The following PTAR1 variants were observed in gnomAD, a reference collection of about 807,000 sequenced individuals.
The protein encoded by PTAR1 is protein prenyltransferase alpha subunit repeat-containing protein 1.
PTAR1 carries 17 observed loss-of-function variants against 45.5 expected under a neutral mutation model. The observed-to-expected ratio is 0.37, with a 90% CI of 0.26 to 0.56. PTAR1 has a LOEUF of 0.56. Ranked by LOEUF, PTAR1 falls within the 20% of genes least tolerant of loss-of-function variation. PTAR1 has a pLI of 0.77. For synonymous variants in PTAR1, 169 were observed against 171.3 expected, an observed-to-expected ratio of 0.99 and a Z score of 0.11; for missense variants, 391 against 476.3, an observed-to-expected ratio of 0.82 and a Z score of 1.67.
At chr9:69,733,035 A>AT (rs1459608252) in intron 4 of PTAR1, among the ~76,000 whole-genome samples, 1 of 152,188 alleles carries the variant, frequency 6.6e-6, no homozygotes, top group Non-Finnish European at 1.5e-5. Context: ...ATATAAAAGC[A>AT]TTTTTTAGAC....
chr9:69,721,321 C>T (rs759456645), intron 6 of PTAR1, among the ~76,000 whole-genome samples: 4 of 151,922 alleles, frequency 2.6e-5, no homozygotes, highest in South Asian at 2.1e-4. Context: ...GGAAGTGGGG[C>T]GTGAAGATGT....
At chr9:69,749,650 T>C (rs1352547967) in intron 2 of PTAR1, among the ~76,000 whole-genome samples, 1 of 152,050 alleles carries the variant, frequency 6.6e-6, no homozygotes, top group Non-Finnish European at 1.5e-5. Flanking sequence ...TCAGAGTCCC[T>C]TTCTATGGTA....
At chr9:69,751,035 C>T in intron 1 of PTAR1, 85 bp from the exon 2 acceptor site, 1 of 938,388 alleles carries the variant, frequency 1.1e-6, no homozygotes. Context: ...ATTTTAAAAA[C>T]CCCACATATT....
At chr9:69,751,592 A>G (rs1044778977) in intron 1 of PTAR1, among the ~76,000 whole-genome samples, 1 of 152,114 alleles carries the variant, frequency 6.6e-6, no homozygotes, top group South Asian at 2.1e-4. Flanking sequence ...TTTTATTTTT[A>G]TACAGTTTCA....
chr9:69,739,501 T>C (rs1021000080), intron 3 of PTAR1, among the ~76,000 whole-genome samples: 8 of 152,262 alleles, frequency 5.3e-5, no homozygotes, highest in Middle Eastern at 3.4e-3. Context: ...AACTTATTTT[T>C]GCCTCTATTT....
At chr9:69,731,560 T>C (rs1223400714) in intron 5 of PTAR1, among the ~76,000 whole-genome samples, 5 of 151,844 alleles carry the variant, frequency 3.3e-5, no homozygotes, top group Admixed American at 6.6e-5. Flanking sequence ...GCTGTGAGAG[T>C]TTCCAAACTG....
intron 1 of PTAR1, among the ~76,000 whole-genome samples, chr9:69,755,996 T>C (rs76872212): frequency 0.011 from 1,639 of 152,272 alleles, 14 homozygotes; most frequent in Non-Finnish European, 0.018. Flanking sequence ...ACTCAGTTAA[T>C]AAACGACAAG....
chr9:69,727,577 T>C (rs1825346724), intron 5 of PTAR1, among the ~76,000 whole-genome samples: 1 of 152,132 alleles, frequency 6.6e-6, no homozygotes, highest in African/African-American at 2.4e-5. Flanking sequence ...GCATCACAAA[T>C]TGAACAGGGA....
chr9:69,723,183 C>T (rs139163114), intron 6 of PTAR1, 143 bp downstream of exon 6: 2 of 683,454 alleles, frequency 2.9e-6, no homozygotes, highest in Admixed American at 5.1e-5. Flanking sequence ...AACACAAAAC[C>T]TCTTGTATTC....
intron 2 of PTAR1, among the ~76,000 whole-genome samples, chr9:69,742,186 T>A (rs931589627): frequency 6.6e-6 from 1 of 152,168 alleles, no homozygotes; most frequent in South Asian, 2.1e-4. Flanking sequence ...AAAATTTCTA[T>A]GCCACTATTC....
intron 3 of PTAR1, among the ~76,000 whole-genome samples, chr9:69,735,397 T>C (rs755167633): frequency 3.3e-5 from 5 of 152,232 alleles, no homozygotes; most frequent in Non-Finnish European, 7.3e-5. Flanking sequence ...AAATGCTATA[T>C]AAATAGTTGT....
chr9:69,737,523 A>C (rs2026794), intron 3 of PTAR1, among the ~76,000 whole-genome samples: 136,326 of 152,270 alleles, frequency 0.9, 61,545 homozygotes, highest in Middle Eastern at 0.96. Flanking sequence ...CTCTGGAAAA[A>C]TGTGCTACAG....
At chr9:69,730,661 T>C (rs1337195633) in intron 5 of PTAR1, among the ~76,000 whole-genome samples, 1 of 149,848 alleles carries the variant, frequency 6.7e-6, no homozygotes, top group East Asian at 1.9e-4. Context: ...TGTGCTCCCA[T>C]TGTATTCTGA....
intron 2 of PTAR1, among the ~76,000 whole-genome samples, chr9:69,749,026 A>T (rs1826403319): frequency 6.6e-6 from 1 of 152,144 alleles, no homozygotes; most frequent in African/African-American, 2.4e-5. Flanking sequence ...GCTGAATTCA[A>T]AGTTTAGATG....
Position 69,715,385 on chromosome 9 carries a change from ATATT to A in PTAR1, c.*2953_*2956del, listed in dbSNP as rs1306906173. On this transcript the variant is annotated 3_prime_UTR_variant, in exon 8 of 8. Coordinates refer to ENST00000340434, the MANE Select transcript of PTAR1 (RefSeq NM_001099666.2). The stretch of plus-strand genomic sequence containing the variant: ...TGTTAGTCATTCATTAATTTAATAA[ATATT>A]TAATGAGTCCTCACAATGTGCAGGG... 1 of 152,118 alleles carries A rather than the reference ATATT, an allele frequency of 6.6e-6. No individual in the cohort carries two copies. Among genetic ancestry groups the A allele is most frequent in the Non-Finnish European group, 1.5e-5 (1 of 68,002 alleles). The allele number at this position is 152,118 out of a possible 1,614,324, so 9.4% of individuals were successfully genotyped here. A position where few individuals can be genotyped will look rare whatever the true frequency, so the allele number is the denominator to read the frequency against.
chr9:69,727,040 C>CACGTAT (rs1564130572), intron 5 of PTAR1, among the ~76,000 whole-genome samples: 1 of 150,794 alleles, frequency 6.6e-6, no homozygotes, highest in African/African-American at 2.4e-5. Flanking sequence ...CACACACACA[C>CACGTAT]ACACACACAC....
intron 2 of PTAR1, among the ~76,000 whole-genome samples, chr9:69,742,136 G>C (rs1335503914): frequency 6.6e-6 from 1 of 152,102 alleles, no homozygotes; most frequent in Non-Finnish European, 1.5e-5. Context: ...CCTTTTGGGT[G>C]CTTTTTGGTA....
chr9:69,732,055 T>C, intron 5 of PTAR1, 84 bp downstream of exon 5: 1 of 963,686 alleles, frequency 1.0e-6, no homozygotes. Context: ...CTCTACTCCT[T>C]CAAAGCTCTT....
In PTAR1 at chr9:69,725,154, T is replaced by A. The variant is rs903690272; in HGVS notation, c.643-1524A>T. On this transcript the variant is annotated intron_variant, in intron 5 of 7. Transcript: ENST00000340434. ...GCTTTTTTATTTTGGCATGGCTTCT[T>A]AACATGGATTGAAAAGAGTACTCCA... Among the ~76,000 whole-genome samples the A allele has an allele frequency of 7.2e-5, 11 of 152,316 alleles. No homozygotes were observed. In the South Asian group the frequency reaches 2.3e-3, roughly 32 times the overall value.
Sources: allele counts gnomAD v4.1 joint callset (sites outside exome capture counted in the v4.1 genomes callset), GRCh38; gene constraint gnomAD v4.1.1; transcripts MANE v1.5; gene names NCBI Gene and HGNC (gene_info 2026-07-23, HGNC 2026-07-21).